The following SUPT3H variants were observed in gnomAD, a reference collection of about 807,000 sequenced individuals.
The protein encoded by SUPT3H is SPT3 homolog, SAGA and STAGA complex component, also known as transcription initiation protein SPT3 homolog.
A neutral mutation model predicts 44.3 loss-of-function variants in SUPT3H; 44 were observed. The observed-to-expected ratio is 0.99, with a 90% CI of 0.78 to 1.28. The LOEUF (loss-of-function observed/expected upper bound fraction) is 1.28. Among genes scored for constraint, SUPT3H ranks in the 50% most tolerant of loss-of-function variants. The probability of loss-of-function intolerance (pLI) is 0.00; values close to 1 mark genes in which losing one functional copy is unlikely to be tolerated. For synonymous variants in SUPT3H, 124 were observed against 125.6 expected (o/e 0.99, Z 0.09); for missense variants, 380 against 387.1 (o/e 0.98, Z 0.15).
At position 45,305,608 on chromosome 6, in the gene SUPT3H, G is replaced by A. The variant is rs578047301; in HGVS notation, c.101+59593C>T. Among the ~76,000 whole-genome samples the A allele has an allele frequency of 2.6e-5, 4 of 152,052 alleles. No homozygotes were observed. In the South Asian group the frequency reaches 8.3e-4, roughly 32 times the overall value. On this transcript the variant is annotated intron_variant, in intron 2 of 10. Transcript: ENST00000371459. ...CATTGTTCACTACAAAATCCTTCTG[G>A]TCCCTTCTAATATACACTATATACC...
intron 2 of SUPT3H, among the ~76,000 whole-genome samples, chr6:45,236,435 T>C (rs1769163687): frequency 6.6e-6 from 1 of 152,048 alleles, no homozygotes; most frequent in African/African-American, 2.4e-5. Context: ...CTTTTCACAC[T>C]GATGATGAGG....
chr6:45,174,180 C>G (rs1184816853), intron 2 of SUPT3H, among the ~76,000 whole-genome samples: 2 of 152,192 alleles, frequency 1.3e-5, no homozygotes, highest in African/African-American at 2.4e-5. Context: ...AAGTACTGAA[C>G]AGTGGTTACA....
intron 5 of SUPT3H, among the ~76,000 whole-genome samples, chr6:45,007,609 T>C (rs1478253018): frequency 6.6e-6 from 1 of 152,142 alleles, no homozygotes; most frequent in African/African-American, 2.4e-5. Flanking sequence ...GTCCCACTAT[T>C]GTTCTCCTTA....
chr6:45,157,536 T>C (rs970928720), intron 2 of SUPT3H, among the ~76,000 whole-genome samples: 3 of 151,202 alleles, frequency 2.0e-5, no homozygotes, highest in African/African-American at 7.3e-5. Context: ...TTTATATATA[T>C]AAATATATAT....
chr6:45,234,308 A>G (rs556871530), intron 2 of SUPT3H, among the ~76,000 whole-genome samples: 1 of 152,140 alleles, frequency 6.6e-6, no homozygotes, highest in East Asian at 1.9e-4. Context: ...AGGTGGGCAG[A>G]TTGTCTGAGG....
intron 2 of SUPT3H, among the ~76,000 whole-genome samples, chr6:45,213,359 T>C (rs542388333): frequency 6.6e-6 from 1 of 152,218 alleles, no homozygotes; most frequent in South Asian, 2.1e-4. Context: ...GTAAATTTAA[T>C]ATGAAAAAAA....
intron 10 of SUPT3H, among the ~76,000 whole-genome samples, chr6:44,835,520 CACAGAGGGT>C (rs1769705660): frequency 3.0e-5 from 1 of 33,878 alleles, no homozygotes; most frequent in East Asian, 5.7e-4. Context: ...TGAAGATGGG[CACAGAGGGT>C]TGAGGTTCTA....
chr6:45,248,761 A>G (rs1369555881), intron 2 of SUPT3H, among the ~76,000 whole-genome samples: 2 of 152,048 alleles, frequency 1.3e-5, no homozygotes, highest in Admixed American at 6.6e-5. Context: ...CTAAAATACA[A>G]AAGATTAGCT....
At chr6:45,037,913 CT>C (rs1240150668) in intron 3 of SUPT3H, among the ~76,000 whole-genome samples, 10 of 151,356 alleles carry the variant, frequency 6.6e-5, no homozygotes, top group Non-Finnish European at 1.2e-4. Context: ...ATTAACTTTT[CT>C]TACTTTTACA....
At chr6:45,111,334 A>C (rs1800027987) in intron 2 of SUPT3H, among the ~76,000 whole-genome samples, 1 of 152,104 alleles carries the variant, frequency 6.6e-6, no homozygotes. Flanking sequence ...CCCAGCCAAA[A>C]TGGTATTTTT....
At chr6:45,343,580 T>G (rs1790268067) in intron 2 of SUPT3H, among the ~76,000 whole-genome samples, 1 of 152,136 alleles carries the variant, frequency 6.6e-6, no homozygotes. Context: ...TAACTCTCTC[T>G]TGTAAAAAAT....
At chr6:45,042,169 T>A (rs889773641) in intron 3 of SUPT3H, among the ~76,000 whole-genome samples, 18 of 152,194 alleles carry the variant, frequency 1.2e-4, no homozygotes, top group African/African-American at 4.1e-4. Flanking sequence ...ACACCTATAA[T>A]CCCAGCACTT....
intron 10 of SUPT3H, among the ~76,000 whole-genome samples, chr6:44,861,897 A>G (rs1774725493): frequency 6.6e-6 from 1 of 152,168 alleles, no homozygotes; most frequent in African/African-American, 2.4e-5. Flanking sequence ...ATATTAAGCT[A>G]AAATGTAAGA....
At chr6:45,004,145 C>CA (rs1412743488) in intron 5 of SUPT3H, among the ~76,000 whole-genome samples, 1 of 151,782 alleles carries the variant, frequency 6.6e-6, no homozygotes, top group Non-Finnish European at 1.5e-5. Flanking sequence ...AATGACAATA[C>CA]AAAAAATGAT....
intron 2 of SUPT3H, among the ~76,000 whole-genome samples, chr6:45,114,501 A>AT (rs984609592): frequency 1.3e-5 from 2 of 152,050 alleles, no homozygotes; most frequent in African/African-American, 4.8e-5. Flanking sequence ...AAATCAGAAA[A>AT]TTTTTTTAAA....
intron 10 of SUPT3H, among the ~76,000 whole-genome samples, chr6:44,909,189 G>T (rs1766624290): frequency 6.7e-6 from 1 of 148,920 alleles, no homozygotes; most frequent in African/African-American, 2.5e-5. Flanking sequence ...ACATATTTTG[G>T]GAATTTTTTC....
At chr6:45,118,737 A>AT (rs947801189) in intron 2 of SUPT3H, among the ~76,000 whole-genome samples, 5 of 152,112 alleles carry the variant, frequency 3.3e-5, no homozygotes, top group Non-Finnish European at 5.9e-5. Flanking sequence ...TCTAAGGCAT[A>AT]TTGCACTGAT....
intron 10 of SUPT3H, among the ~76,000 whole-genome samples, chr6:44,855,955 A>G (rs1320630243): frequency 6.6e-6 from 1 of 152,198 alleles, no homozygotes; most frequent in African/African-American, 2.4e-5. Context: ...CTGTTCCCAG[A>G]GGAGAGTAAG....
chr6:45,060,601 A>G (rs1242740362), intron 3 of SUPT3H, among the ~76,000 whole-genome samples: 1 of 152,168 alleles, frequency 6.6e-6, no homozygotes, highest in African/African-American at 2.4e-5. Flanking sequence ...ATGGGATCTA[A>G]TTAAACTAAA....
Sources: gnomAD v4.1 joint callset for allele counts (sites outside exome capture counted in the v4.1 genomes callset) on GRCh38, gnomAD v4.1.1 for gene constraint, MANE v1.5 for transcripts, NCBI Gene and HGNC (gene_info 2026-07-23, HGNC 2026-07-21) for gene names.